The following NCS1 variants were observed in gnomAD, a reference collection of about 807,000 sequenced individuals.
NCS1 encodes neuronal calcium sensor 1.
NCS1 carries 6 observed loss-of-function variants against 28.4 expected under a neutral mutation model. The observed-to-expected ratio is 0.21, with a 90% confidence interval of 0.12 to 0.42. The LOEUF (loss-of-function observed/expected upper bound fraction) is 0.42, where lower values mean the gene tolerates loss of function less well. NCS1 is among the 10% of genes least tolerant of loss of function. NCS1 has a pLI of 1.00. For missense variants in NCS1, 131 were observed against 241.4 expected (o/e 0.54, Z 3.03); for synonymous variants, 86 against 99.3 (o/e 0.87, Z 0.79).
chr9:130,214,576 G>T (rs7044792), intron 2 of NCS1, among the ~76,000 whole-genome samples: 76,548 of 151,874 alleles, frequency 0.5, 20,840 homozygotes, highest in East Asian at 0.84. Flanking sequence ...GCGAACTGGG[G>T]AGGAGGCACT....
intron 1 of NCS1, chr9:130,200,521 CA>C (rs1213248903): frequency 5.9e-6 from 9 of 1,535,072 alleles, no homozygotes; most frequent in African/African-American, 1.4e-5. Flanking sequence ...TAGCTCCCCC[CA>C]CCCCCCCACA....
chr9:130,204,255 C>T (rs1483373738), intron 2 of NCS1, among the ~76,000 whole-genome samples: 1 of 151,914 alleles, frequency 6.6e-6, no homozygotes, highest in East Asian at 1.9e-4. Context: ...CCTCGGCCTC[C>T]CAAAATGCTG....
At chr9:130,204,428 A>G (rs1554907828) in intron 2 of NCS1, among the ~76,000 whole-genome samples, 1 of 152,042 alleles carries the variant, frequency 6.6e-6, no homozygotes, top group African/African-American at 2.4e-5. Context: ...AGCTGGGACT[A>G]CAGGCATTTA....
chr9:130,217,877 G>T lies in NCS1; in HGVS notation c.135G>T (p.Ala45=). Residue 45 remains alanine (A), a synonymous_variant, in exon 3 of 8, where the codon GCG becomes GCT. Coordinates refer to ENST00000372398, the MANE Select transcript of NCS1 (RefSeq NM_014286.4). ...IKDCPSGQLD[A]AGFQKIYKQF... ...ACTGCCCCAGTGGGCAGCTGGATGC[G>T]GCAGGCTTCCAGAAGATCTACAAGC... The T allele has an allele frequency of 6.2e-7, 1 of 1,614,114 alleles. No individual in the cohort carries two copies. The highest frequency in any genetic ancestry group is 8.5e-7 in the Non-Finnish European group (1 of 1,180,014).
chr9:130,184,926 T>C (rs1832719456), intron 1 of NCS1, among the ~76,000 whole-genome samples: 1 of 150,982 alleles, frequency 6.6e-6, no homozygotes, highest in Non-Finnish European at 1.5e-5. Flanking sequence ...ATTGCGCCAC[T>C]GCAGTCCAGC....
At position 130,176,165 on chromosome 9, in the gene NCS1, TCTTTCTTTCTTTCTTTCTTTC is replaced by T. The variant is rs1354823425; in HGVS notation, c.64+3439_64+3459del. 9.0e-3 allele frequency among the ~76,000 whole-genome samples: 768 copies of T among 85,494 alleles called. 23 individuals are homozygous for T. The highest frequency in any genetic ancestry group is 0.01 in the African/African-American group (129 of 12,598). The allele number at this position is 85,494 out of a possible 152,430, so 56.1% of individuals were successfully genotyped here. A position where few individuals can be genotyped will look rare whatever the true frequency, so the allele number is the denominator to read the frequency against. ...TTCTTTCTTTCTTTCTTTCTTTCTT[TCTTTCTTTCTTTCTTTCTTTC>T]TTTCTTTCTTTTTTTTTTTTTTTGG... On this transcript the variant is annotated intron_variant, in intron 1 of 7. Transcript: ENST00000372398.
intron 5 of NCS1, 122 bp downstream of exon 5, chr9:130,222,860 C>T: frequency 3.8e-6 from 4 of 1,060,818 alleles, no homozygotes; most frequent in Non-Finnish European, 5.7e-6. Flanking sequence ...GGGTCACTGG[C>T]TGAGCCGTTC....
At chr9:130,216,980 T>C (rs1833199787) in intron 2 of NCS1, among the ~76,000 whole-genome samples, 3 of 152,132 alleles carry the variant, frequency 2.0e-5, no homozygotes, top group Admixed American at 1.3e-4. Context: ...GAACAACACA[T>C]ATTTAAGTTC....
In NCS1 at chr9:130,226,638, C is replaced by A; in HGVS notation, c.*17+134C>A. 1.6e-6 allele frequency: 1 copy of A among 642,724 alleles called. No individual in the cohort carries two copies. Among genetic ancestry groups the A allele is most frequent in the Non-Finnish European group, 2.7e-6 (1 of 369,452 alleles). 39.8% of individuals were successfully genotyped at this position (642,724 alleles called of 1,614,324 possible). A position where few individuals can be genotyped will look rare whatever the true frequency, so the allele number is the denominator to read the frequency against. On this transcript the variant is annotated intron_variant, in intron 7 of 7. Coordinates refer to ENST00000372398, the MANE Select transcript of NCS1 (RefSeq NM_014286.4). The surrounding 1 kb of genome is among the most constrained non-coding windows in gnomAD (Gnocchi z 4.8). ...TGTGGTCAGCCTAGCAGGGACATAGCTGGGAGGAGGAGGCTGGAAGGGGGG... is the reference window on the plus strand; with the variant it reads ...TGTGGTCAGCCTAGCAGGGACATAGATGGGAGGAGGAGGCTGGAAGGGGGG...
rs1832813797 is a variant in NCS1 at position 130,191,320 on chromosome 9, G to A, written c.65-9638G>A. 6.6e-6 allele frequency among the ~76,000 whole-genome samples: 1 copy of A among 152,134 alleles called. No individual in the cohort carries two copies. The highest frequency in any genetic ancestry group is 6.5e-5 in the Admixed American group (1 of 15,286). ...TGAAGAGCAGCTCCCGGGAGCTGGG[G>A]CTGAAGGTTACCTGGCCTGGCCCGA... On this transcript the variant is annotated intron_variant, in intron 1 of 7. Coordinates refer to ENST00000372398, the MANE Select transcript of NCS1 (RefSeq NM_014286.4). The surrounding 1 kb of genome is among the most constrained non-coding windows in gnomAD (Gnocchi z 6.4).
chr9:130,200,497 G>A, intron 1 of NCS1: 1 of 1,409,100 alleles, frequency 7.1e-7, no homozygotes, highest in South Asian at 1.2e-5. Context: ...GCTGAGAGCT[G>A]CCCCTTTTCA....
At chr9:130,223,894 G>A (rs1833373569) in intron 6 of NCS1, among the ~76,000 whole-genome samples, 2 of 152,012 alleles carry the variant, frequency 1.3e-5, no homozygotes, top group African/African-American at 4.8e-5. Context: ...CCAGGCTGGA[G>A]TGCAGTGGCG....
At chr9:130,193,259 TGAGGCTGGA>T (rs782079435) in intron 1 of NCS1, among the ~76,000 whole-genome samples, 61 of 151,468 alleles carry the variant, frequency 4.0e-4, no homozygotes, top group South Asian at 1.7e-3. Context: ...GGGGCAGGGG[TGAGGCTGGA>T]GAGGCTGGAG....
At chr9:130,211,349 G>C (rs972999155) in intron 2 of NCS1, among the ~76,000 whole-genome samples, 15 of 151,618 alleles carry the variant, frequency 9.9e-5, no homozygotes, top group African/African-American at 3.6e-4. Context: ...TGGAGATGCT[G>C]GGGCTGGACT....
rs1554904757 is a variant in NCS1, at chr9:130,177,745, C to A, written c.64+5018C>A. ...AGCACCAGCTTGCTCATCCTTCAGA[C>A]CTGCCTTCCAACTCCATGGATCTAA... On this transcript the variant is annotated intron_variant, in intron 1 of 7. Transcript: ENST00000372398. The surrounding 1 kb of genome is among the most constrained non-coding windows in gnomAD (Gnocchi z 4.4). Among the ~76,000 whole-genome samples, 1 of 152,250 alleles carries A rather than the reference C, an allele frequency of 6.6e-6. No homozygotes were observed. Among genetic ancestry groups the A allele is most frequent in the African/African-American group, 2.4e-5 (1 of 41,462 alleles).
chr9:130,179,249 CT>C, intron 1 of NCS1, among the ~76,000 whole-genome samples: 1 of 152,000 alleles, frequency 6.6e-6, no homozygotes, highest in Admixed American at 6.6e-5. Context: ...TTTTCATTAC[CT>C]TGTAAATTTG....
intron 1 of NCS1, among the ~76,000 whole-genome samples, chr9:130,185,247 G>T (rs374222797): frequency 2.0e-5 from 3 of 152,268 alleles, no homozygotes; most frequent in African/African-American, 7.2e-5. Flanking sequence ...CTTATTGCAT[G>T]ACTGCGTCTC....
intron 1 of NCS1, among the ~76,000 whole-genome samples, chr9:130,182,590 A>T (rs539516794): frequency 4.9e-4 from 75 of 152,212 alleles, no homozygotes; most frequent in Non-Finnish European, 8.4e-4. Flanking sequence ...AGAGGCGCTG[A>T]TAGGAGTGTG....
intron 2 of NCS1, among the ~76,000 whole-genome samples, chr9:130,211,010 A>ATTTTTTTT (rs34425557): frequency 5.4e-5 from 5 of 92,398 alleles, no homozygotes; most frequent in East Asian, 3.1e-4. Context: ...GGCTCCACTA[A>ATTTTTTTT]TTTTTTTTTT....
Sources: allele counts gnomAD v4.1 joint callset (sites outside exome capture counted in the v4.1 genomes callset), GRCh38; gene constraint gnomAD v4.1.1; non-coding constraint Gnocchi (gnomAD v3.1); transcripts MANE v1.5; gene names NCBI Gene and HGNC (gene_info 2026-07-23, HGNC 2026-07-21).